PHC3: variants seen among roughly 807,000 people sequenced by gnomAD.
The protein encoded by PHC3 is polyhomeotic-like protein 3.
In PHC3, 13 loss-of-function variants were observed where a neutral mutation model predicts 107.4. The ratio of observed to expected loss-of-function variants is 0.12; its 90% CI spans 0.08 to 0.19. The LOEUF (loss-of-function observed/expected upper bound fraction) is 0.19. Among genes scored for constraint, PHC3 ranks in the 10% least tolerant of loss-of-function variants. The pLI, the probability that PHC3 is intolerant of heterozygous loss-of-function variation, is 1.00. For synonymous variants in PHC3, 456 were observed against 427.4 expected, an observed-to-expected ratio of 1.07 and a Z score of -0.83; for missense variants, 992 against 1,210.9, an observed-to-expected ratio of 0.82 and a Z score of 2.68.
At chr3:170,130,538 G>C (rs141249861) in intron 7 of PHC3, among the ~76,000 whole-genome samples, 11 of 152,050 alleles carry the variant, frequency 7.2e-5, no homozygotes, top group Non-Finnish European at 1.5e-4. Context: ...TCCAAATCTA[G>C]GAAAACACTA....
At chr3:170,106,798 C>T (rs1417406313) in intron 12 of PHC3, 34 bp downstream of exon 12, 1 of 1,525,808 alleles carries the variant, frequency 6.6e-7, no homozygotes, top group Non-Finnish European at 8.9e-7. Flanking sequence ...GGCTATTTAT[C>T]TGTCCTTTGG....
intron 9 of PHC3, among the ~76,000 whole-genome samples, chr3:170,120,144 CATGACAG>C: frequency 6.6e-6 from 1 of 152,282 alleles, no homozygotes; most frequent in Middle Eastern, 3.4e-3. Flanking sequence ...ACTCTAATCT[CATGACAG>C]ATTAGCAATA....
intron 6 of PHC3, among the ~76,000 whole-genome samples, chr3:170,142,945 A>G (rs1422996560): frequency 6.6e-6 from 1 of 152,126 alleles, no homozygotes; most frequent in Non-Finnish European, 1.5e-5. Flanking sequence ...AAGCCTAGGT[A>G]GGCAGATCAC....
chr3:170,119,193 A>G (rs1200002725), intron 9 of PHC3, among the ~76,000 whole-genome samples: 2 of 152,146 alleles, frequency 1.3e-5, no homozygotes, highest in Non-Finnish European at 2.9e-5. Flanking sequence ...CTTCATACAT[A>G]CTTCTAGGGG....
At chr3:170,126,504 G>GTATATATATATATATATATATATA (rs1174515889) in intron 8 of PHC3, among the ~76,000 whole-genome samples, 3 of 117,304 alleles carry the variant, frequency 2.6e-5, no homozygotes, top group African/African-American at 1.0e-4. Context: ...TGCTCCATAT[G>GTATATATATATATATATATATATA]TATATATATA....
intron 9 of PHC3, among the ~76,000 whole-genome samples, chr3:170,119,930 T>C (rs1719889928): frequency 6.6e-6 from 1 of 152,210 alleles, no homozygotes; most frequent in Non-Finnish European, 1.5e-5. Flanking sequence ...GTCTACATTG[T>C]ACTTTGACAA....
chr3:170,122,886 A>G (rs964375096), intron 8 of PHC3, 142 bp from the exon 9 acceptor site: 4 of 932,276 alleles, frequency 4.3e-6, no homozygotes, highest in Non-Finnish European at 6.0e-6. Flanking sequence ...TGAAAGGAAA[A>G]CTTAAAAATT....
In PHC3 at chr3:170,092,689, CTG is replaced by C. The variant is rs1470577912; in HGVS notation, c.*4539_*4540del. ...ACTGTGATATCTGAAAATGGAAACT[CTG>C]TAATTCTGGCAACTCAATTACAACA... On this transcript the variant is annotated 3_prime_UTR_variant, in exon 15 of 15. Transcript: ENST00000495893. 6.6e-6 allele frequency: 1 copy of C among 152,192 alleles called. No individual in the cohort carries two copies. The highest frequency in any genetic ancestry group is 1.5e-5 in the Non-Finnish European group (1 of 68,028). The allele number at this position is 152,192 out of a possible 1,614,324, so 9.4% of individuals were successfully genotyped here. A position where few individuals can be genotyped will look rare whatever the true frequency, so the allele number is the denominator to read the frequency against.
chr3:170,112,384 T>C (rs1423776000), intron 11 of PHC3, among the ~76,000 whole-genome samples: 1 of 115,606 alleles, frequency 8.7e-6, no homozygotes, highest in Non-Finnish European at 1.8e-5. Flanking sequence ...CTAATTTATA[T>C]ATATATATAT....
intron 2 of PHC3, among the ~76,000 whole-genome samples, chr3:170,178,348 G>A (rs1730848667): frequency 6.7e-6 from 1 of 150,274 alleles, no homozygotes; most frequent in Non-Finnish European, 1.5e-5. Flanking sequence ...TTTCACCGTG[G>A]TCTCGATCTC....
At chr3:170,112,764 T>C (rs1718085156) in intron 11 of PHC3, among the ~76,000 whole-genome samples, 1 of 152,222 alleles carries the variant, frequency 6.6e-6, no homozygotes. Flanking sequence ...CCTCAAGTGA[T>C]CTGCCTGCCT....
intron 4 of PHC3, among the ~76,000 whole-genome samples, chr3:170,155,397 G>A (rs139682859): frequency 2.1e-3 from 327 of 152,328 alleles, no homozygotes; most frequent in Non-Finnish European, 3.8e-3. Context: ...ATGTCTGTGT[G>A]TGTATATGTA....
intron 2 of PHC3, among the ~76,000 whole-genome samples, chr3:170,174,658 T>G (rs928896910): frequency 2.0e-5 from 3 of 152,168 alleles, no homozygotes; most frequent in African/African-American, 7.2e-5. Flanking sequence ...CATAATGCCA[T>G]GAATCCTTTT....
chr3:170,089,511 C>T lies in PHC3; in HGVS notation c.*7719G>A, dbSNP rs115960580. The T allele has an allele frequency of 6.6e-6, 1 of 152,300 alleles. No individual in the cohort carries two copies. Among genetic ancestry groups the T allele is most frequent in the African/African-American group, 2.4e-5 (1 of 41,554 alleles). The allele number at this position is 152,300 out of a possible 1,614,324, so 9.4% of individuals were successfully genotyped here. A position where few individuals can be genotyped will look rare whatever the true frequency, so the allele number is the denominator to read the frequency against. On this transcript the variant is annotated 3_prime_UTR_variant, in exon 15 of 15. Coordinates refer to ENST00000495893, the MANE Select transcript of PHC3 (RefSeq NM_024947.4). ...TTTAAAAGTTGGATATTTGTAATAG[C>T]TTAAAGTACAGTAACACTTATTTTG...
rs538357609 is a variant in PHC3, at chr3:170,095,527, T to C, written c.*1703A>G. On this transcript the variant is annotated 3_prime_UTR_variant, in exon 15 of 15. Transcript: ENST00000495893. ...AGATAAATATAGTATCTGTGATGTC[T>C]TCAGTGACATCTTTAGTCTTCTACC... 6.6e-6 allele frequency: 1 copy of C among 152,186 alleles called. No homozygotes were observed. The highest frequency in any genetic ancestry group is 1.9e-4 in the East Asian group (1 of 5,194). The allele number at this position is 152,186 out of a possible 1,614,324, so 9.4% of individuals were successfully genotyped here.
intron 4 of PHC3, among the ~76,000 whole-genome samples, chr3:170,152,048 A>G (rs1237609747): frequency 6.6e-6 from 1 of 152,116 alleles, no homozygotes; most frequent in African/African-American, 2.4e-5. Flanking sequence ...TGGTTATCTA[A>G]TTCTCTAAAT....
chr3:170,106,793 T>C, intron 12 of PHC3, 39 bp downstream of exon 12: 1 of 1,503,752 alleles, frequency 6.7e-7, no homozygotes, highest in South Asian at 1.2e-5. Flanking sequence ...GCAATGGCTA[T>C]TTATCTGTCC....
At chr3:170,149,385 A>T (rs1244366459) in intron 4 of PHC3, 141 bp from the exon 5 acceptor site, 3 of 664,820 alleles carry the variant, frequency 4.5e-6, no homozygotes, top group South Asian at 7.0e-5. Flanking sequence ...TCTTTGACAG[A>T]CCCCCTCATT....
chr3:170,129,187 G>C lies in PHC3; in HGVS notation c.1285C>G (p.Gln429Glu), dbSNP rs758394509. Reference protein sequence around the residue: ...SQSPTIIIHPQALIQPHPLVS... With the variant: ...SQSPTIIIHPEALIQPHPLVS... ...AGAGGGTGTGGCTGAATAAGTGCTTGTGGATGAATAATTATAGTAGGAGAC... is the reference window on the plus strand; with the variant it reads ...AGAGGGTGTGGCTGAATAAGTGCTTCTGGATGAATAATTATAGTAGGAGAC... The change falls in exon 8 of 15, where the codon CAA becomes GAA. Residue 429 changes from glutamine (Q) to glutamate (E), a missense_variant. Physicochemically the swap from Gln to Glu is conservative, Grantham distance 29. Transcript: ENST00000495893. The C allele has an allele frequency of 1.1e-5, 17 of 1,614,002 alleles. No individual in the cohort carries two copies. The highest frequency in any genetic ancestry group is 1.4e-5 in the Non-Finnish European group (16 of 1,179,878).
Sources: gnomAD v4.1 joint callset for allele counts (sites outside exome capture counted in the v4.1 genomes callset) on GRCh38, gnomAD v4.1.1 for gene constraint, MANE v1.5 for transcripts, NCBI Gene and HGNC (gene_info 2026-07-23, HGNC 2026-07-21) for gene names.